The following UGGT1 variants were observed in gnomAD, a reference collection of about 807,000 sequenced individuals.
The protein encoded by UGGT1 is UDP-glucose:glycoprotein glucosyltransferase 1.
A neutral mutation model predicts 203.9 loss-of-function variants in UGGT1; 107 were observed. The observed-to-expected ratio is 0.52, with a 90% CI of 0.45 to 0.62. UGGT1 has a LOEUF of 0.62. Among genes scored for constraint, UGGT1 ranks in the 20% least tolerant of loss-of-function variants. The pLI, the probability that UGGT1 is intolerant of heterozygous loss-of-function variation, is 0.00. For synonymous variants in UGGT1, 628 were observed against 653.5 expected (o/e 0.96, Z 0.59); for missense variants, 1,673 against 1,867.2 (o/e 0.90, Z 1.92).
intron 5 of UGGT1, among the ~76,000 whole-genome samples, chr2:128,112,169 C>G (rs35960791): frequency 0.31 from 46,589 of 149,990 alleles, 8,488 homozygotes; most frequent in Non-Finnish European, 0.4. Context: ...GCCTGTAATG[C>G]CAGCACTTTG....
At chr2:128,179,611 G>A (rs1444214436) in intron 34 of UGGT1, among the ~76,000 whole-genome samples, 175 bp from the exon 35 acceptor site, 1 of 152,222 alleles carries the variant, frequency 6.6e-6, no homozygotes, top group Non-Finnish European at 1.5e-5. Flanking sequence ...AACTTCATAA[G>A]TTGGAGTAAG....
rs1188759155 is a variant in UGGT1 at position 128,191,601 on chromosome 2, G to C, written c.*1859G>C. 1 of 152,464 alleles carries C rather than the reference G, an allele frequency of 6.6e-6. No individual in the cohort carries two copies. Among genetic ancestry groups the C allele is most frequent in the Non-Finnish European group, 1.5e-5 (1 of 68,284 alleles). 9.4% of individuals were successfully genotyped at this position (152,464 alleles called of 1,614,324 possible). ...CGGCCAGGCGTGGTGGCTCACACCT[G>C]TAATCCCAGCACTTTGGGAGGCTGA... is the stretch of plus-strand genomic sequence containing the variant. On this transcript the variant is annotated 3_prime_UTR_variant, in exon 41 of 41. Transcript: ENST00000259253.
In UGGT1 at chr2:128,185,512, C is replaced by T. The variant is rs1259305901; in HGVS notation, c.4360-1171C>T. Among the ~76,000 whole-genome samples, 3 of 131,868 alleles carry T rather than the reference C, an allele frequency of 2.3e-5. 1 individual carries two copies. The East Asian group carries it at 7.1e-4, about 31-fold the overall frequency. The allele number at this position is 131,868 out of a possible 152,430, so 86.5% of individuals were successfully genotyped here. On this transcript the variant is annotated intron_variant, in intron 38 of 40. Coordinates refer to ENST00000259253, the MANE Select transcript of UGGT1 (RefSeq NM_020120.4). ...TTTTTTAGACAAGGTCTCACTCTGT[C>T]ACCCAGGCTGGAGTGCAGTGATGCG...
chr2:128,145,710 T>C (rs1435815353), intron 17 of UGGT1, 93 bp from the exon 18 acceptor site: 1 of 1,097,354 alleles, frequency 9.1e-7, no homozygotes, highest in African/African-American at 1.6e-5. Flanking sequence ...CTATTGATTG[T>C]TGTTAGAACA....
At chr2:128,128,973 AT>A (rs1398231054) in intron 12 of UGGT1, 55 bp from the exon 13 acceptor site, 16 of 1,462,914 alleles carry the variant, frequency 1.1e-5, no homozygotes, top group East Asian at 2.5e-5. Context: ...CATGGTGAGA[AT>A]TTTTTTTAAA....
intron 18 of UGGT1, among the ~76,000 whole-genome samples, chr2:128,146,764 C>T (rs1689709994): frequency 6.6e-6 from 1 of 152,116 alleles, no homozygotes; most frequent in African/African-American, 2.4e-5. Flanking sequence ...TTTTGTCCTA[C>T]TCCCAGCCAC....
intron 40 of UGGT1, 150 bp from the exon 41 acceptor site, chr2:128,189,567 C>A: frequency 2.4e-6 from 2 of 835,466 alleles, no homozygotes; most frequent in Non-Finnish European, 3.7e-6. Flanking sequence ...AAATACAGTA[C>A]AAAAGCACAA....
chr2:128,170,156 C>T (rs1318523373), intron 26 of UGGT1, 132 bp from the exon 27 acceptor site: 4 of 663,974 alleles, frequency 6.0e-6, no homozygotes, highest in Admixed American at 2.7e-5. Flanking sequence ...TATAGTTGGC[C>T]ACTGTCATAG....
At chr2:128,185,492 T>A (rs1338395756) in intron 38 of UGGT1, among the ~76,000 whole-genome samples, 10 of 143,718 alleles carry the variant, frequency 7.0e-5, no homozygotes, top group East Asian at 2.0e-4. Context: ...TTTTTTTTTT[T>A]AGACAAGGTC....
intron 13 of UGGT1, 128 bp downstream of exon 13, chr2:128,129,307 T>C: frequency 8.8e-7 from 1 of 1,136,376 alleles, no homozygotes; most frequent in Non-Finnish European, 1.2e-6. Context: ...GATTTATAAT[T>C]GCTTATATGG....
chr2:128,137,571 AC>A (rs1558783639), intron 15 of UGGT1, among the ~76,000 whole-genome samples: 1 of 152,214 alleles, frequency 6.6e-6, no homozygotes, highest in Non-Finnish European at 1.5e-5. Flanking sequence ...GTCCAAATTA[AC>A]CAAGTGTTGT....
intron 39 of UGGT1, chr2:128,187,116 A>T (rs1030594000): frequency 7.1e-6 from 2 of 280,738 alleles, no homozygotes; most frequent in African/African-American, 2.2e-5. Flanking sequence ...CCCTGCTTAC[A>T]TTAGGAAACC....
Position 128,145,949 on chromosome 2 carries a change from C to T in UGGT1, c.1998C>T (p.Phe666=). 1.9e-6 allele frequency: 3 copies of T among 1,614,006 alleles called. No homozygotes were observed. The highest frequency in any genetic ancestry group is 1.3e-5 in the African/African-American group (1 of 75,028). ...AAATCCTGGAGACCACCACCTTCTT[C>T]CAAAGAGCGGTGTACTTGGTGAGTC... The part of the protein sequence containing the change: ...MHKILETTTF[F]QRAVYLGELP... Residue 666 remains phenylalanine (F), a synonymous_variant, in exon 18 of 41, where the codon TTC becomes TTT. Coordinates refer to ENST00000259253, the MANE Select transcript of UGGT1 (RefSeq NM_020120.4).
At chr2:128,115,069 A>T in intron 6 of UGGT1, 55 bp from the exon 7 acceptor site, 1 of 1,511,190 alleles carries the variant, frequency 6.6e-7, no homozygotes, top group Non-Finnish European at 9.2e-7. Flanking sequence ...TGCCATGTAC[A>T]CTGTGACATA....
chr2:128,115,117 C>T lies in UGGT1; in HGVS notation c.697-7C>T, dbSNP rs1688038237. On this transcript the variant is annotated splice_region_variant and splice_polypyrimidine_tract_variant and intron_variant, in intron 6 of 40. Transcript: ENST00000259253. ...TGGTAATGATGGAATTCTTGCTTTA[C>T]TTGCAGAATCCCAGGAAGGAGCCTG... 1 of 1,613,680 alleles carries T rather than the reference C, an allele frequency of 6.2e-7. No homozygotes were observed. Among genetic ancestry groups the T allele is most frequent in the Non-Finnish European group, 8.5e-7 (1 of 1,179,656 alleles).
chr2:128,099,045 GGTAAGTCT>G (rs372692631), intron 2 of UGGT1, among the ~76,000 whole-genome samples: 1 of 152,278 alleles, frequency 6.6e-6, no homozygotes, highest in East Asian at 1.9e-4. Context: ...GCAAGCACTT[GGTAAGTCT>G]TAGTGTTTGA....
At chr2:128,097,384 A>G in intron 1 of UGGT1, 45 bp from the exon 2 acceptor site, 1 of 1,584,338 alleles carries the variant, frequency 6.3e-7, no homozygotes, top group Non-Finnish European at 8.5e-7. Flanking sequence ...CAAAAAAAAA[A>G]AAAATTTCCT....
At chr2:128,161,095 G>A in intron 24 of UGGT1, 43 bp from the exon 25 acceptor site, 1 of 1,606,802 alleles carries the variant, frequency 6.2e-7, no homozygotes, top group Non-Finnish European at 8.5e-7. Context: ...CTGAGTGCAG[G>A]CAGCCTTCCA....
rs149918050 is a variant in UGGT1, at chr2:128,157,314, C to T, written c.2323C>T (p.Arg775Trp). The change falls in exon 22 of 41, where the codon CGG becomes TGG. Residue 775 changes from arginine (R) to tryptophan (W), a missense_variant. Physicochemically the swap from Arg to Trp is moderately radical, Grantham distance 101. This residue lies in a region of UGGT1 where 1,073 missense variants were observed against 1,078.7 expected (regional missense o/e 0.99). Transcript: ENST00000259253. ...IVGDFDSPSG[R>W]QLLYDAIKHQ... ...TGGGGATTTTGATAGCCCTTCTGGA[C>T]GGCAGTTACTGTATGATGCCATCAA... 116 of 1,614,076 alleles carry T rather than the reference C, an allele frequency of 7.2e-5. No individual in the cohort carries two copies. The East Asian group carries it at 1.2e-3, about 16-fold the overall frequency.
Sources: allele counts gnomAD v4.1 joint callset (sites outside exome capture counted in the v4.1 genomes callset), GRCh38; gene constraint gnomAD v4.1.1; regional missense constraint gnomAD v4.1.1; transcripts MANE v1.5; gene names NCBI Gene and HGNC (gene_info 2026-07-23, HGNC 2026-07-21).